The following STIM1 variants were observed in gnomAD, a reference collection of about 807,000 sequenced individuals.
STIM1 encodes the protein stromal interaction molecule 1.
A neutral mutation model predicts 74.7 loss-of-function variants in STIM1; 25 were observed. That is an observed-to-expected ratio of 0.33 (90% CI 0.24 to 0.47). The LOEUF (loss-of-function observed/expected upper bound fraction) is 0.47, where lower values mean the gene tolerates loss of function less well. STIM1 is among the 20% of genes least tolerant of loss of function. STIM1 has a pLI of 1.00. For synonymous variants in STIM1, 328 were observed against 348.8 expected (o/e 0.94, Z 0.66); for missense variants, 728 against 920.8 (o/e 0.79, Z 2.71).
chr11:3,933,969 T>G (rs1273816248), intron 1 of STIM1, among the ~76,000 whole-genome samples: 1 of 152,210 alleles, frequency 6.6e-6, no homozygotes, highest in Non-Finnish European at 1.5e-5. Flanking sequence ...GTTGGATCTT[T>G]GTAAGTTAGT....
chr11:3,919,237 C>T (rs541367742), intron 1 of STIM1, among the ~76,000 whole-genome samples: 1 of 152,308 alleles, frequency 6.6e-6, no homozygotes, highest in East Asian at 1.9e-4. Flanking sequence ...TGGAGTTTCG[C>T]TCTTACTGCC....
chr11:3,856,110 C>G lies in STIM1; in HGVS notation c.-161C>G. ...CGCACCCAAACTTGGAGCACTTGAC[C>G]TTTGGCTGTTGGAGGGGGCAGGCTC... On this transcript the variant is annotated 5_prime_UTR_variant, in exon 1 of 13. Coordinates refer to ENST00000526596, the MANE Select transcript of STIM1 (RefSeq NM_001382567.1). The G allele has an allele frequency of 1.1e-6, 1 of 877,482 alleles. No individual in the cohort carries two copies. The highest frequency in any genetic ancestry group is 1.8e-6 in the Non-Finnish European group (1 of 553,798). The allele number at this position is 877,482 out of a possible 1,614,324, so 54.4% of individuals were successfully genotyped here. A position where few individuals can be genotyped will look rare whatever the true frequency, so the allele number is the denominator to read the frequency against.
chr11:4,047,892 C>T (rs999606167), intron 3 of STIM1, among the ~76,000 whole-genome samples: 4 of 150,752 alleles, frequency 2.7e-5, no homozygotes, highest in African/African-American at 9.8e-5. Flanking sequence ...GATCTCAGCT[C>T]ACTGCAACCT....
intron 2 of STIM1, among the ~76,000 whole-genome samples, chr11:3,982,288 C>G (rs2093513888): frequency 6.6e-6 from 1 of 151,710 alleles, no homozygotes; most frequent in Admixed American, 6.6e-5. Flanking sequence ...CCTCAGCCTC[C>G]CAAAATCCTG....
rs191782574 is a variant in STIM1, at chr11:3,950,205, C to G, written c.140-17347C>G. Among the ~76,000 whole-genome samples, 560 of 149,178 alleles carry G rather than the reference C, an allele frequency of 3.8e-3. 3 individuals are homozygous for G. The highest frequency in any genetic ancestry group is 0.013 in the African/African-American group (526 of 40,252). On this transcript the variant is annotated intron_variant, in intron 1 of 12. Transcript: ENST00000526596. ...CTGGAGTGGAGTGGTGCGATCTGGG[C>G]TCACTGCAACCTCCACCTCCTGGGT...
Position 4,082,192 on chromosome 11 carries a change from G to A in STIM1, c.978G>A (p.Glu326=). 6.2e-7 allele frequency: 1 copy of A among 1,614,086 alleles called. No individual in the cohort carries two copies. Residue 326 remains glutamate, a synonymous_variant, in exon 8 of 13, where the codon GAG becomes GAA. Transcript: ENST00000526596. ...YAEEELEQVR[E]ALRKAEKELE... is the part of the protein sequence containing the mutation. ...TCCTTTTGGCTGCCTAGGTTCGGGA[G>A]GCCTTGAGGAAAGCAGAGAAGGAGC...
At chr11:3,909,749 G>T (rs1022004572) in intron 1 of STIM1, among the ~76,000 whole-genome samples, 4 of 150,800 alleles carry the variant, frequency 2.7e-5, no homozygotes, top group African/African-American at 9.8e-5. Flanking sequence ...GCATGATCCT[G>T]GCACTGCACT....
intron 1 of STIM1, among the ~76,000 whole-genome samples, chr11:3,942,365 A>G (rs1420254330): frequency 6.6e-6 from 1 of 152,098 alleles, no homozygotes; most frequent in Non-Finnish European, 1.5e-5. Flanking sequence ...TGGATGACAC[A>G]TTTTCAGCTT....
chr11:3,998,150 G>A (rs1477226263), intron 2 of STIM1, among the ~76,000 whole-genome samples: 2 of 152,062 alleles, frequency 1.3e-5, no homozygotes, highest in South Asian at 2.1e-4. Flanking sequence ...CTATTCTAAG[G>A]TATTTAGTTG....
At chr11:3,886,971 C>G (rs924245876) in intron 1 of STIM1, among the ~76,000 whole-genome samples, 2 of 151,750 alleles carry the variant, frequency 1.3e-5, no homozygotes, top group Admixed American at 6.6e-5. Flanking sequence ...CCACTGCACT[C>G]CAGCCTGGCG....
intron 1 of STIM1, among the ~76,000 whole-genome samples, chr11:3,857,177 T>G (rs1158229736): frequency 1.3e-5 from 2 of 151,056 alleles, no homozygotes; most frequent in East Asian, 3.9e-4. Flanking sequence ...TCATGGTTTT[T>G]CCTATGCAGT....
chr11:4,083,134 C>G (rs1006799541), intron 9 of STIM1, 129 bp from the exon 10 acceptor site: 10 of 1,220,504 alleles, frequency 8.2e-6, no homozygotes, highest in Non-Finnish European at 1.2e-5. Flanking sequence ...CTGCCTTGCT[C>G]TTAAGTTTGA....
chr11:3,899,954 T>C (rs2092304228), intron 1 of STIM1, among the ~76,000 whole-genome samples: 1 of 152,124 alleles, frequency 6.6e-6, no homozygotes, highest in Admixed American at 6.5e-5. Flanking sequence ...TCAATGTTCA[T>C]CAAGGATATT....
chr11:3,896,830 G>C (rs2135413697), intron 1 of STIM1, among the ~76,000 whole-genome samples: 1 of 152,200 alleles, frequency 6.6e-6, no homozygotes, highest in Non-Finnish European at 1.5e-5. Flanking sequence ...TAGTGCTTTG[G>C]GGAAGTTACT....
At chr11:3,862,865 TACACACACACACACGCAC>T (rs1298962496) in intron 1 of STIM1, among the ~76,000 whole-genome samples, 1 of 150,198 alleles carries the variant, frequency 6.7e-6, no homozygotes, top group Non-Finnish European at 1.5e-5. Context: ...TATCTGTAAG[TACACACACACACACGCAC>T]ACACACACAC....
At chr11:4,000,531 TGTTAG>T (rs2093705272) in intron 2 of STIM1, among the ~76,000 whole-genome samples, 1 of 152,086 alleles carries the variant, frequency 6.6e-6, no homozygotes, top group Non-Finnish European at 1.5e-5. Context: ...GGGTCCTGTC[TGTTAG>T]GAGGAAAACT....
intron 1 of STIM1, among the ~76,000 whole-genome samples, chr11:3,927,223 A>G (rs1214228370): frequency 6.6e-6 from 1 of 152,200 alleles, no homozygotes; most frequent in Admixed American, 6.5e-5. Flanking sequence ...GCAGACTTAT[A>G]TTAAGTTCTT....
At chr11:3,875,430 C>T (rs1221726834) in intron 1 of STIM1, among the ~76,000 whole-genome samples, 1 of 152,068 alleles carries the variant, frequency 6.6e-6, no homozygotes, top group African/African-American at 2.4e-5. Flanking sequence ...CAAATTGGAA[C>T]ATAACAAAAT....
chr11:3,942,089 G>C (rs561872933), intron 1 of STIM1, among the ~76,000 whole-genome samples: 5 of 152,146 alleles, frequency 3.3e-5, no homozygotes, highest in Non-Finnish European at 5.9e-5. Flanking sequence ...GACTGTAAAA[G>C]GCAGGAAGAT....
Sources: allele counts gnomAD v4.1 joint callset (sites outside exome capture counted in the v4.1 genomes callset), GRCh38; gene constraint gnomAD v4.1.1; transcripts MANE v1.5; gene names NCBI Gene and HGNC (gene_info 2026-07-23, HGNC 2026-07-21).